STAR: variants seen among roughly 807,000 people sequenced by gnomAD.
STAR encodes steroidogenic acute regulatory protein, also known as steroidogenic acute regulatory protein, mitochondrial.
In STAR, 32 loss-of-function variants were observed where a neutral mutation model predicts 32.3. The ratio of observed to expected loss-of-function variants is 0.99; its 90% CI spans 0.75 to 1.33. The LOEUF (loss-of-function observed/expected upper bound fraction) is 1.33, where lower values mean the gene tolerates loss of function less well. STAR is among the 40% of genes most tolerant of loss of function. STAR has a pLI of 0.00. For missense variants in STAR, 375 were observed against 379.0 expected, an observed-to-expected ratio of 0.99 and a Z score of 0.09; for synonymous variants, 134 against 140.5, an observed-to-expected ratio of 0.95 and a Z score of 0.33.
At position 38,143,844 on chromosome 8, in the gene STAR, T is replaced by C; in HGVS notation, c.*429A>G. 1 of 293,768 alleles carries C rather than the reference T, an allele frequency of 3.4e-6. No individual in the cohort carries two copies. Among genetic ancestry groups the C allele is most frequent in the Non-Finnish European group, 6.7e-6 (1 of 149,974 alleles). 18.2% of individuals were successfully genotyped at this position (293,768 alleles called of 1,614,324 possible). A position where few individuals can be genotyped will look rare whatever the true frequency, so the allele number is the denominator to read the frequency against. On this transcript the variant is annotated 3_prime_UTR_variant, in exon 7 of 7. Coordinates refer to ENST00000276449, the MANE Select transcript of STAR (RefSeq NM_000349.3). ...AGGAGCAGAGGGCTGCAGGAGACCC[T>C]CTGAGATTCTGCTTTGTGCACATGT...
chr8:38,148,665 C>A lies in STAR; in HGVS notation c.154G>T (p.Val52Phe). 2 of 1,614,168 alleles carry A rather than the reference C, an allele frequency of 1.2e-6. No individual in the cohort carries two copies. The highest frequency in any genetic ancestry group is 1.7e-6 in the Non-Finnish European group (2 of 1,180,040). ...CCGAGTAGAGAGCTCCGCCGCCGAA[C>A]CTGGTTAATCCACGTGCTAGGGGTG... ...GPTPSTWINQ[V>F]RRRSSLLGSR... Residue 52 changes from valine to phenylalanine, a missense_variant, in exon 2 of 7, where the codon GTT (valine) becomes TTT (phenylalanine). Coordinates refer to ENST00000276449, the MANE Select transcript of STAR (RefSeq NM_000349.3).
Position 38,146,112 on chromosome 8 carries a change from A to G in STAR, c.501T>C (p.Thr167=). ...LQKIGKDTFI[T]HELAAEAAGN... ...CTGCTGCCTCGGCAGCCAGCTCGTG[A>G]GTAATGAATGTATCTTTTCCGATCT... The change falls in exon 5 of 7, where the codon ACT becomes ACC. Residue 167 remains threonine, a synonymous_variant. Transcript: ENST00000276449. 6.2e-7 allele frequency: 1 copy of G among 1,614,170 alleles called. No homozygotes were observed. Among genetic ancestry groups the G allele is most frequent in the Non-Finnish European group, 8.5e-7 (1 of 1,180,012 alleles).
chr8:38,146,781 T>TTATATATA (rs58625015), intron 3 of STAR, among the ~76,000 whole-genome samples: 1 of 144,836 alleles, frequency 6.9e-6, no homozygotes, highest in Non-Finnish European at 1.5e-5. Context: ...AAAAAAAATT[T>TTATATATA]TATATATATA....
intron 2 of STAR, 147 bp downstream of exon 2, chr8:38,148,494 G>C: frequency 7.4e-7 from 1 of 1,359,644 alleles, no homozygotes; most frequent in African/African-American, 1.4e-5. Context: ...TGACCAGAGA[G>C]GGATCTGGCC....
chr8:38,149,812 C>A (rs1802637010), intron 1 of STAR, among the ~76,000 whole-genome samples: 1 of 152,140 alleles, frequency 6.6e-6, no homozygotes, highest in Admixed American at 6.6e-5. Context: ...GCACTCCAGC[C>A]TAGGCAACAG....
rs537903614 is a variant in STAR at position 38,145,289 on chromosome 8, A to G, written c.677T>C (p.Val226Ala). 34 of 1,614,184 alleles carry G rather than the reference A, an allele frequency of 2.1e-5. No individual in the cohort carries two copies. The East Asian group carries it at 7.4e-4, about 35-fold the overall frequency. ...GGGACTTCCAGCCAACGGGTGAAGC[A>G]CCATGCAAGTGGGACCGTGCTCCGC... is the stretch of plus-strand genomic sequence containing the variant. ...IRAEHGPTCM[V>A]LHPLAGSPSK... is the part of the protein sequence containing the mutation. Residue 226 changes from valine (V) to alanine (A), a missense_variant, in exon 6 of 7, where the codon GTG becomes GCG. Coordinates refer to ENST00000276449, the MANE Select transcript of STAR (RefSeq NM_000349.3).
intron 2 of STAR, 81 bp from the exon 3 acceptor site, chr8:38,148,408 G>A (rs1217309343): frequency 1.9e-6 from 3 of 1,591,886 alleles, no homozygotes; most frequent in Non-Finnish European, 2.6e-6. Context: ...CTCTGGGTCT[G>A]CTCATTGCTC....
chr8:38,150,936 CTG>C lies in STAR; in HGVS notation c.-120_-119del, dbSNP rs1466563130. On this transcript the variant is annotated 5_prime_UTR_variant, in exon 1 of 7. Transcript: ENST00000276449. ...TTCCTGAGCCCCTCAAGCTTCGCCT[CTG>C]AGTCCCGCAGCTGCAGCCTGGACCT... The C allele has an allele frequency of 1.9e-6, 3 of 1,593,172 alleles. No homozygotes were observed. Among genetic ancestry groups the C allele is most frequent in the East Asian group, 4.5e-5 (2 of 44,732 alleles).
Position 38,150,887 on chromosome 8 carries a change from TCTC to T in STAR, c.-72_-70del. ...TGCTGCCGCCGCTGCTGCTGCCTCT[TCTC>T]TCAAGGGTGGTTCTTCGTCCTTCCT... On this transcript the variant is annotated 5_prime_UTR_variant, in exon 1 of 7. Coordinates refer to ENST00000276449, the MANE Select transcript of STAR (RefSeq NM_000349.3). 6.3e-7 allele frequency: 1 copy of T among 1,599,462 alleles called. No individual in the cohort carries two copies. Among genetic ancestry groups the T allele is most frequent in the South Asian group, 1.1e-5 (1 of 90,768 alleles).
Position 38,150,759 on chromosome 8 carries a change from C to T in STAR, c.60G>A (p.Met20Ile). 1.2e-6 allele frequency: 2 copies of T among 1,607,158 alleles called. No individual in the cohort carries two copies. The highest frequency in any genetic ancestry group is 1.7e-6 in the Non-Finnish European group (2 of 1,179,980). ...AGSSYRHMRN[M>I]KGLRQQAVMA... ...CCTCCTTCCCGCAGCGCTCACCCTT[C>T]ATGTTGCGCATGTGTCTGTAGGAGC... The change falls in exon 1 of 7, where the codon ATG becomes ATA. Residue 20 changes from methionine (M) to isoleucine (I), a missense_variant. Physicochemically the swap from Met to Ile is conservative, Grantham distance 10 (BLOSUM62 1). Coordinates refer to ENST00000276449, the MANE Select transcript of STAR (RefSeq NM_000349.3).
chr8:38,150,503 G>T (rs1002995468), intron 1 of STAR, among the ~76,000 whole-genome samples: 1 of 151,854 alleles, frequency 6.6e-6, no homozygotes, highest in South Asian at 2.1e-4. Context: ...GAAAGAAAAA[G>T]AATAAAAATG....
Position 38,145,301 on chromosome 8 carries a change from G to T in STAR, c.665C>A (p.Pro222His). 1 of 1,614,154 alleles carries T rather than the reference G, an allele frequency of 6.2e-7. No individual in the cohort carries two copies. The highest frequency in any genetic ancestry group is 1.3e-5 in the African/African-American group (1 of 75,054). Residue 222 changes from proline to histidine, a missense_variant, in exon 6 of 7, where the codon CCC (proline) becomes CAC (histidine). Pro to His is a moderately conservative substitution (Grantham distance 77). Transcript: ENST00000276449. Reference sequence around the variant, plus strand: ...CAACGGGTGAAGCACCATGCAAGTGGGACCGTGCTCCGCCCTGGCAAATGG... The same window carrying T: ...CAACGGGTGAAGCACCATGCAAGTGTGACCGTGCTCCGCCCTGGCAAATGG... ...QKGVIRAEHG[P>H]TCMVLHPLAG...
At chr8:38,148,602 T>G (rs763158586) in intron 2 of STAR, 39 bp downstream of exon 2, 2 of 1,591,108 alleles carry the variant, frequency 1.3e-6, no homozygotes, top group South Asian at 2.2e-5. Flanking sequence ...GGGAACCTCC[T>G]GCCAGCAGCA....
In STAR at chr8:38,150,727, C is replaced by G. The variant is rs544241406; in HGVS notation, c.64+28G>C. ...TCATCCGCTGAGAGCTGGCCAACCC[C>G]TCATCGCCTCCTTCCCGCAGCGCTC... On this transcript the variant is annotated intron_variant, in intron 1 of 6. Transcript: ENST00000276449. The G allele has an allele frequency of 1.9e-6, 3 of 1,604,986 alleles. No individual in the cohort carries two copies. The African/African-American group carries it at 4.0e-5, about 21-fold the overall frequency.
intron 6 of STAR, 85 bp from the exon 7 acceptor site, chr8:38,144,471 G>C: frequency 6.5e-7 from 1 of 1,539,668 alleles, no homozygotes; most frequent in South Asian, 1.2e-5. Context: ...CAGGCTGCCA[G>C]GGGCTTGGTC....
At chr8:38,145,833 T>G in intron 5 of STAR, 130 bp downstream of exon 5, 1 of 1,164,014 alleles carries the variant, frequency 8.6e-7, no homozygotes, top group Non-Finnish European at 1.3e-6. Flanking sequence ...AGTATCTTCT[T>G]TTGTAGAAGG....
At chr8:38,145,091 C>T (rs1200833909) in intron 6 of STAR, 131 bp downstream of exon 6, 1 of 1,538,546 alleles carries the variant, frequency 6.5e-7, no homozygotes, top group Non-Finnish European at 8.7e-7. Flanking sequence ...TCACTCCAGA[C>T]CCTTCCCTGT....
rs766935801 is a variant in STAR at position 38,150,776 on chromosome 8, T to C, written c.43A>G (p.Arg15Gly). 1 of 1,607,262 alleles carries C rather than the reference T, an allele frequency of 6.2e-7. No individual in the cohort carries two copies. Among genetic ancestry groups the C allele is most frequent in the Non-Finnish European group, 8.5e-7 (1 of 1,179,998 alleles). The change falls in exon 1 of 7, where the codon AGA becomes GGA. Residue 15 changes from arginine (R) to glycine (G), a missense_variant. By Grantham distance (125) the Arg-to-Gly change is moderately radical (BLOSUM62 -2). Transcript: ENST00000276449. Reference sequence around the variant, plus strand: ...TCACCCTTCATGTTGCGCATGTGTCTGTAGGAGCTCCCAGCGCACAGCTTG... The same window carrying C: ...TCACCCTTCATGTTGCGCATGTGTCCGTAGGAGCTCCCAGCGCACAGCTTG... ...TFKLCAGSSY[R>G]HMRNMKGLRQ... is the part of the protein sequence containing the mutation.
Position 38,146,399 on chromosome 8 carries a change from C to A in STAR, c.355G>T (p.Val119Leu). The change falls in exon 4 of 7, where the codon GTG becomes TTG. Residue 119 changes from valine to leucine, a missense_variant. Val to Leu is a conservative substitution (Grantham distance 32, BLOSUM62 1). Transcript: ENST00000276449. ...MSKVVPDVGK[V>L]FRLEVVVDQP... ...TCCACCACGACCTCCAGCCGGAACACCTTGCCCACATCTGGGACCACTTTA... is the reference window on the plus strand; with the variant it reads ...TCCACCACGACCTCCAGCCGGAACAACTTGCCCACATCTGGGACCACTTTA... 1 of 1,614,182 alleles carries A rather than the reference C, an allele frequency of 6.2e-7. No homozygotes were observed. The highest frequency in any genetic ancestry group is 8.5e-7 in the Non-Finnish European group (1 of 1,180,042).
Sources: allele counts gnomAD v4.1 joint callset (sites outside exome capture counted in the v4.1 genomes callset), GRCh38; gene constraint gnomAD v4.1.1; transcripts MANE v1.5; gene names NCBI Gene and HGNC (gene_info 2026-07-23, HGNC 2026-07-21).